The following BEND2 variants were observed in gnomAD, a reference collection of about 807,000 sequenced individuals.
The protein encoded by BEND2 is BEN domain containing 2.
In BEND2, 19 loss-of-function variants were observed where a neutral mutation model predicts 43.8. The observed-to-expected ratio is 0.43, with a 90% CI of 0.30 to 0.64. BEND2 has a LOEUF of 0.64. BEND2 is among the 30% of genes least tolerant of loss of function. BEND2 has a pLI of 0.11. For synonymous variants in BEND2, 226 were observed against 210.1 expected, an observed-to-expected ratio of 1.08 and a Z score of -0.66; for missense variants, 544 against 574.0, an observed-to-expected ratio of 0.95 and a Z score of 0.53.
intron 9 of BEND2, 59 bp from the exon 10 acceptor site, chrX:18,177,828 A>G: frequency 1.1e-6 from 1 of 944,637 alleles, no homozygotes; most frequent in Non-Finnish European, 1.5e-6. Flanking sequence ...GGTACCCTCA[A>G]AGTACACAAG....
Position 18,180,597 on chromosome X carries a change from C to G in BEND2, c.1342G>C (p.Val448Leu), listed in dbSNP as rs183006657. 2 of 1,210,775 alleles carry G rather than the reference C, an allele frequency of 1.7e-6. No homozygotes were observed. The highest frequency in any genetic ancestry group is 3.5e-5 in the South Asian group (2 of 56,920). The part of the protein sequence containing the change: ...VKVDTNTENS[V>L]NTMNRSTLLD... ...AAAGTTGAGCGATTCATTGTGTTGA[C>G]GCTGTTTTCCGTGTTGGTGTCTACT... The change falls in exon 9 of 14, where the codon GTC becomes CTC. Residue 448 changes from valine (V) to leucine (L), a missense_variant. By Grantham distance (32) the Val-to-Leu change is conservative. This residue lies in a region of BEND2 where 501 missense variants were observed against 501.6 expected (regional missense o/e 1.00). Transcript: ENST00000380033.
chrX:18,220,478 G>A (rs1454993273), intron 1 of BEND2, among the ~76,000 whole-genome samples: 3 of 111,265 alleles, frequency 2.7e-5, no homozygotes, highest in Non-Finnish European at 5.7e-5. Flanking sequence ...TCACGTCTCC[G>A]GGACATCTTG....
intron 1 of BEND2, among the ~76,000 whole-genome samples, chrX:18,217,872 G>T (rs917772147): frequency 1.1e-4 from 12 of 110,216 alleles, no homozygotes; most frequent in Admixed American, 9.8e-5. Context: ...CTTGAGCTCA[G>T]AAGTTCGAGA....
chrX:18,204,627 C>A (rs748112424), intron 4 of BEND2, among the ~76,000 whole-genome samples: 1 of 112,049 alleles, frequency 8.9e-6, no homozygotes, highest in African/African-American at 3.2e-5. Context: ...CAAAAGTTCT[C>A]AAGCCATCAG....
chrX:18,174,342 A>C (rs1411254786), intron 11 of BEND2, 84 bp from the exon 12 acceptor site: 42 of 857,733 alleles, frequency 4.9e-5, no homozygotes, highest in East Asian at 1.3e-4. Flanking sequence ...CAGGCCCACC[A>C]GGTTGCTAGG....
chrX:18,175,997 A>G lies in BEND2; in HGVS notation c.1727T>C (p.Leu576Ser). Residue 576 changes from leucine to serine, a missense_variant, in exon 11 of 14, where the codon TTA becomes TCA. Around this residue, in one of 2 missense-constraint regions of BEND2, gnomAD observed 501 missense variants for 501.6 expected, o/e 1.00. Coordinates refer to ENST00000380033, the MANE Select transcript of BEND2 (RefSeq NM_153346.5). ...TGGAGTACTCTTGCCTTCAGAACAT[A>G]AACAGTAGATCATAGAATTGATACC... is the stretch of plus-strand genomic sequence containing the variant. ...ISGINSMIYC[L>S]CSEGKSTPKT... 1.7e-6 allele frequency: 2 copies of G among 1,195,177 alleles called. No homozygotes were observed. Among genetic ancestry groups the G allele is most frequent in the East Asian group, 6.0e-5 (2 of 33,512 alleles).
chrX:18,191,216 A>G (rs1207862832), intron 7 of BEND2, 108 bp from the exon 8 acceptor site: 1 of 580,647 alleles, frequency 1.7e-6, no homozygotes. Flanking sequence ...GGAATAAAAG[A>G]AAAATAAAGA....
At chrX:18,214,286 C>A (rs188458271) in intron 2 of BEND2, among the ~76,000 whole-genome samples, 1 of 110,913 alleles carries the variant, frequency 9.0e-6, no homozygotes, top group Admixed American at 9.6e-5. Flanking sequence ...GAGAGTATAG[C>A]ATATGATTCA....
intron 4 of BEND2, among the ~76,000 whole-genome samples, chrX:18,207,892 G>A (rs1179450731): frequency 9.0e-6 from 1 of 111,184 alleles, no homozygotes; most frequent in African/African-American, 3.3e-5. Flanking sequence ...GGTGGCGCAC[G>A]CCTGTAATCC....
At position 18,201,883 on chromosome X, in the gene BEND2, G is replaced by A; in HGVS notation, c.965C>T (p.Pro322Leu). Residue 322 changes from proline to leucine, a missense_variant, in exon 6 of 14, where the codon CCA becomes CTA. Around this residue, in one of 2 missense-constraint regions of BEND2, gnomAD observed 501 missense variants for 501.6 expected, o/e 1.00. Coordinates refer to ENST00000380033, the MANE Select transcript of BEND2 (RefSeq NM_153346.5). The stretch of plus-strand genomic sequence containing the variant: ...GCCATTGTAATTTCCCATTAAAGTT[G>A]GATAATTCGCTGTCTCAGTGCTGTT... ...SKNSTETANY[P>L]TLMGNYNGQN... The A allele has an allele frequency of 8.3e-7, 1 of 1,209,554 alleles. No homozygotes were observed. The highest frequency in any genetic ancestry group is 1.1e-6 in the Non-Finnish European group (1 of 894,530).
chrX:18,182,225 T>C (rs1272714524), intron 8 of BEND2, among the ~76,000 whole-genome samples: 1 of 110,678 alleles, frequency 9.0e-6, no homozygotes, highest in Non-Finnish European at 1.9e-5. Context: ...GTGAGTGACT[T>C]CTCATGAGAT....
intron 1 of BEND2, 93 bp downstream of exon 1, chrX:18,220,633 G>T: frequency 8.8e-7 from 1 of 1,131,413 alleles, no homozygotes. Flanking sequence ...CAATCCTGCC[G>T]CCCCTGAATG....
intron 4 of BEND2, among the ~76,000 whole-genome samples, chrX:18,209,281 G>A (rs1196821446): frequency 9.0e-6 from 1 of 111,548 alleles, no homozygotes; most frequent in Non-Finnish European, 1.9e-5. Context: ...GGGAGACAGA[G>A]AATCAACATA....
intron 8 of BEND2, among the ~76,000 whole-genome samples, chrX:18,190,766 T>TCTCACACA (rs1439593746): frequency 0.042 from 3,895 of 92,861 alleles, 156 homozygotes; most frequent in East Asian, 0.24. Context: ...TCTCTCTCTC[T>TCTCACACA]CACACACACA....
chrX:18,180,710 C>T, intron 8 of BEND2, 60 bp from the exon 9 acceptor site: 2 of 911,733 alleles, frequency 2.2e-6, no homozygotes, highest in African/African-American at 3.9e-5. Context: ...TTTTCAGGTA[C>T]AGAGGGGAAA....
intron 8 of BEND2, among the ~76,000 whole-genome samples, chrX:18,183,898 T>C (rs1924482192): frequency 9.0e-6 from 1 of 111,724 alleles, no homozygotes. Context: ...TGGTTTCTGA[T>C]TGGCATCTCT....
chrX:18,201,396 CAAAAAAA>C (rs1227049211), intron 6 of BEND2, among the ~76,000 whole-genome samples: 7 of 20,626 alleles, frequency 3.4e-4, no homozygotes, highest in Non-Finnish European at 4.0e-4. Flanking sequence ...AACTCCATCT[CAAAAAAA>C]AAAAAAAAAA....
At chrX:18,208,065 A>T (rs969518499) in intron 4 of BEND2, among the ~76,000 whole-genome samples, 5 of 111,284 alleles carry the variant, frequency 4.5e-5, no homozygotes, top group Middle Eastern at 4.7e-3. Flanking sequence ...GTGATTAAAA[A>T]TTTTTTTGGC....
intron 2 of BEND2, among the ~76,000 whole-genome samples, chrX:18,214,254 G>GA (rs992470181): frequency 5.4e-5 from 6 of 110,824 alleles, no homozygotes; most frequent in South Asian, 7.6e-4. Flanking sequence ...CCCTGTCTCT[G>GA]AAAAAAATGC....
Sources: allele counts gnomAD v4.1 joint callset (sites outside exome capture counted in the v4.1 genomes callset), GRCh38; gene constraint gnomAD v4.1.1; regional missense constraint gnomAD v4.1.1; transcripts MANE v1.5; gene names NCBI Gene and HGNC (gene_info 2026-07-23, HGNC 2026-07-21).